SNRNP200: variants seen among roughly 807,000 people sequenced by gnomAD.
SNRNP200 encodes the protein U5 small nuclear ribonucleoprotein 200 kDa helicase.
In SNRNP200, 66 loss-of-function variants were observed where a neutral mutation model predicts 255.2. That is an observed-to-expected ratio of 0.26 (90% CI 0.21 to 0.32). The LOEUF (loss-of-function observed/expected upper bound fraction) is 0.32, where lower values mean the gene tolerates loss of function less well. SNRNP200 is among the 10% of genes least tolerant of loss of function. SNRNP200 has a pLI of 1.00. For missense variants in SNRNP200, 1,585 were observed against 2,749.8 expected (o/e 0.58, Z 9.47); for synonymous variants, 939 against 1,027.8 (o/e 0.91, Z 1.65).
At chr2:96,292,121 C>G (rs1008584330) in intron 16 of SNRNP200, among the ~76,000 whole-genome samples, 1 of 152,202 alleles carries the variant, frequency 6.6e-6, no homozygotes, top group Non-Finnish European at 1.5e-5. Context: ...AGAAATTAAA[C>G]CAACTTCAAC....
Position 96,283,759 on chromosome 2 carries a change from G to A in SNRNP200, c.4585-46C>T, listed in dbSNP as rs757273646. ...AAGACACCAAGGTTATCAGACCTGG[G>A]TCACTCAGGATCTATGTGACACCCC... On this transcript the variant is annotated intron_variant, in intron 32 of 44. Transcript: ENST00000323853. This position sits in a 1 kb window ranked among gnomAD's most constrained non-coding sequence, Gnocchi z 4.7. 1.2e-6 allele frequency: 2 copies of A among 1,614,028 alleles called. No individual in the cohort carries two copies. The highest frequency in any genetic ancestry group is 1.7e-6 in the Non-Finnish European group (2 of 1,179,992).
At chr2:96,294,679 A>C (rs1234805268) in intron 14 of SNRNP200, among the ~76,000 whole-genome samples, 2 of 151,822 alleles carry the variant, frequency 1.3e-5, no homozygotes, top group Non-Finnish European at 2.9e-5. Context: ...AACTATACTC[A>C]GACTTAGTCA....
In SNRNP200 at chr2:96,303,243, G is replaced by A. The variant is rs1360177117; in HGVS notation, c.297C>T (p.Gly99=). ...CTTTAGTTTTGGGCTTGTAGATGAT[G>A]CCCACCATCTCATCAATGCCCTCCG... The part of the protein sequence containing the change: ...LLSEGIDEMV[G]IIYKPKTKET... Residue 99 remains glycine (G), a synonymous_variant, in exon 3 of 45, where the codon GGC becomes GGT. Transcript: ENST00000323853. 6.2e-7 allele frequency: 1 copy of A among 1,614,006 alleles called. No homozygotes were observed. Among genetic ancestry groups the A allele is most frequent in the African/African-American group, 1.3e-5 (1 of 74,906 alleles).
chr2:96,274,700 A>ACTT lies in SNRNP200; in HGVS notation c.*309_*311dup, dbSNP rs1370972930. 5.0e-6 allele frequency: 2 copies of ACTT among 402,608 alleles called. No homozygotes were observed. The highest frequency in any genetic ancestry group is 4.6e-6 in the Non-Finnish European group (1 of 215,088). The allele number at this position is 402,608 out of a possible 1,614,324, so 24.9% of individuals were successfully genotyped here. A position where few individuals can be genotyped will look rare whatever the true frequency, so the allele number is the denominator to read the frequency against. On this transcript the variant is annotated 3_prime_UTR_variant, in exon 45 of 45. Coordinates refer to ENST00000323853, the MANE Select transcript of SNRNP200 (RefSeq NM_014014.5). ...CGTGCCCTCAGGTTGGAGAAAGAAA[A>ACTT]CTTTTAATTTGGAATCACTACAAAG...
rs539567758 is a variant in SNRNP200 at position 96,303,536 on chromosome 2, C to G, written c.210-206G>C. Among the ~76,000 whole-genome samples, 4 of 152,092 alleles carry G rather than the reference C, an allele frequency of 2.6e-5. No homozygotes were observed. The East Asian group carries it at 5.8e-4, about 22-fold the overall frequency. Reference sequence around the variant, plus strand: ...GGACACAGTGACAAAAAGAAAAATTCCCTATCATCTTCTCACTAGATGCAC... The same window carrying G: ...GGACACAGTGACAAAAAGAAAAATTGCCTATCATCTTCTCACTAGATGCAC... On this transcript the variant is annotated intron_variant, in intron 2 of 44. Coordinates refer to ENST00000323853, the MANE Select transcript of SNRNP200 (RefSeq NM_014014.5).
At chr2:96,285,815 C>A (rs983355594) in intron 29 of SNRNP200, among the ~76,000 whole-genome samples, 1 of 152,214 alleles carries the variant, frequency 6.6e-6, no homozygotes, top group Non-Finnish European at 1.5e-5. Flanking sequence ...AACTGGGGAA[C>A]CCTCTATGCC....
chr2:96,288,936 A>C (rs952887786), intron 23 of SNRNP200, 101 bp downstream of exon 23: 5 of 1,160,158 alleles, frequency 4.3e-6, no homozygotes, highest in African/African-American at 3.1e-5. Context: ...AGAACTGAGC[A>C]GGAAACCACA....
At position 96,285,191 on chromosome 2, in the gene SNRNP200, G is replaced by C; in HGVS notation, c.4153C>G (p.Leu1385Val). The stretch of plus-strand genomic sequence containing the variant: ...GCGCCACGTCATACCTGCTCTGCCA[G>C]GGCCTCCATGGGGGTGATGTACACA... ...RCVYITPMEA[L>V]AEQVYMDWYE... Residue 1385 changes from leucine (L) to valine (V), a missense_variant, in exon 30 of 45, where the codon CTG becomes GTG. Leu to Val is a conservative substitution (Grantham distance 32). Transcript: ENST00000323853. 1 of 1,614,096 alleles carries C rather than the reference G, an allele frequency of 6.2e-7. No individual in the cohort carries two copies. Among genetic ancestry groups the C allele is most frequent in the Non-Finnish European group, 8.5e-7 (1 of 1,180,018 alleles).
In SNRNP200 at chr2:96,301,506, CAT is replaced by C. The variant is rs1457044631; in HGVS notation, c.574+16_574+17del. The C allele has an allele frequency of 1.2e-6, 2 of 1,613,584 alleles. No homozygotes were observed. The highest frequency in any genetic ancestry group is 1.7e-6 in the Non-Finnish European group (2 of 1,179,586). Reference sequence around the variant, plus strand: ...CAACAACCAATGAACATGATCAGAACATAAAGCGCGCACTTACCCATATTTTG... The same window carrying C: ...CAACAACCAATGAACATGATCAGAACAAAGCGCGCACTTACCCATATTTTG... On this transcript the variant is annotated intron_variant, in intron 4 of 44. Transcript: ENST00000323853.
chr2:96,285,090 C>T lies in SNRNP200; in HGVS notation c.4164+90G>A, dbSNP rs754519871. On this transcript the variant is annotated intron_variant, in intron 30 of 44. Transcript: ENST00000323853. ...TAATACACAAACTGAGGAAATGACC[C>T]TGCAAATTTCAGGGCTTAGAAAGCC... The T allele has an allele frequency of 7.4e-6, 11 of 1,485,798 alleles. No individual in the cohort carries two copies. In the Admixed American group the frequency reaches 1.9e-4, roughly 25 times the overall value. The allele number at this position is 1,485,798 out of a possible 1,614,324, so 92.0% of individuals were successfully genotyped here. A position where few individuals can be genotyped will look rare whatever the true frequency, so the allele number is the denominator to read the frequency against.
rs758217813 is a variant in SNRNP200 at position 96,291,404 on chromosome 2, A to G, written c.2409T>C (p.Asp803=). The G allele has an allele frequency of 5.6e-6, 9 of 1,601,300 alleles. No individual in the cohort carries two copies. In the African/African-American group the frequency reaches 1.1e-4, roughly 19 times the overall value. The change falls in exon 18 of 45, where the codon GAT becomes GAC. Residue 803 remains aspartate, a synonymous_variant. Coordinates refer to ENST00000323853, the MANE Select transcript of SNRNP200 (RefSeq NM_014014.5). The surrounding 1 kb of genome is among the most constrained non-coding windows in gnomAD (Gnocchi z 4.2). ...DRTLVEDLFA[D]KHIQVLVSTA... ...TGCACCCCCTCACCTGAATATGTTT[A>G]TCAGCAAAAAGATCCTCCACGAGTG... is the stretch of plus-strand genomic sequence containing the variant.
rs1470626652 is a variant in SNRNP200, at chr2:96,290,007, C to G, written c.2743-11G>C. ...CCAGTTCACCGCATCCTACAAGACACAGCTCATGGTTCTTAGCATGGAGAA... is the reference window on the plus strand; with the variant it reads ...CCAGTTCACCGCATCCTACAAGACAGAGCTCATGGTTCTTAGCATGGAGAA... On this transcript the variant is annotated splice_polypyrimidine_tract_variant and intron_variant, in intron 20 of 44. Transcript: ENST00000323853. The surrounding 1 kb of genome is among the most constrained non-coding windows in gnomAD (Gnocchi z 4.5). The G allele has an allele frequency of 6.2e-7, 1 of 1,613,738 alleles. No homozygotes were observed. The highest frequency in any genetic ancestry group is 2.2e-5 in the East Asian group (1 of 44,902).
intron 5 of SNRNP200, among the ~76,000 whole-genome samples, chr2:96,299,850 C>A (rs927931389): frequency 1.9e-4 from 29 of 152,352 alleles, no homozygotes; most frequent in African/African-American, 6.7e-4. Flanking sequence ...GCGTACCTGG[C>A]ATAGTGTCAC....
chr2:96,297,792 T>A, intron 9 of SNRNP200, 72 bp from the exon 10 acceptor site: 2 of 1,534,008 alleles, frequency 1.3e-6, no homozygotes, highest in East Asian at 2.3e-5. Flanking sequence ...TTTCTGCCCC[T>A]GCTTAGCTAA....
chr2:96,283,514 C>G lies in SNRNP200; in HGVS notation c.4763+21G>C. The G allele has an allele frequency of 6.2e-7, 1 of 1,614,112 alleles. No individual in the cohort carries two copies. Among genetic ancestry groups the G allele is most frequent in the Non-Finnish European group, 8.5e-7 (1 of 1,180,022 alleles). On this transcript the variant is annotated intron_variant, in intron 33 of 44. Transcript: ENST00000323853. This position sits in a 1 kb window ranked among gnomAD's most constrained non-coding sequence, Gnocchi z 4.7. ...CCTCACTTAACCTAACCCCAACCCC[C>G]AGACGCCAGGCCCCACCTACCTCTG...
chr2:96,279,224 A>G (rs554134097), intron 36 of SNRNP200: 2 of 643,138 alleles, frequency 3.1e-6, no homozygotes, highest in Admixed American at 4.9e-5. Context: ...GAGGAAGGAG[A>G]GAACCAAGTA....
intron 22 of SNRNP200, 40 bp downstream of exon 22, chr2:96,289,187 G>T: frequency 1.9e-6 from 3 of 1,614,072 alleles, no homozygotes; most frequent in Non-Finnish European, 2.5e-6. Flanking sequence ...GTGACTTGGT[G>T]AGCACCAACT....
At chr2:96,296,783 AG>A (rs2063919712) in intron 12 of SNRNP200, 92 bp from the exon 13 acceptor site, 1 of 1,563,374 alleles carries the variant, frequency 6.4e-7, no homozygotes, top group African/African-American at 1.4e-5. Context: ...TAGAGAATAG[AG>A]CTTGTCCTGG....
chr2:96,277,518 C>G lies in SNRNP200; in HGVS notation c.5931+21G>C. On this transcript the variant is annotated intron_variant, in intron 41 of 44. Transcript: ENST00000323853. The surrounding 1 kb of genome is among the most constrained non-coding windows in gnomAD (Gnocchi z 4.4). ...GGCTCTCAGGCTCACCCACCTGACC[C>G]TCTAGGCTGACCCGGCTCACCTTGT... 6.2e-7 allele frequency: 1 copy of G among 1,612,180 alleles called. No homozygotes were observed. Among genetic ancestry groups the G allele is most frequent in the Non-Finnish European group, 8.5e-7 (1 of 1,180,006 alleles).
Sources: gnomAD v4.1 joint callset for allele counts (sites outside exome capture counted in the v4.1 genomes callset) on GRCh38, gnomAD v4.1.1 for gene constraint, Gnocchi (gnomAD v3.1) non-coding constraint, MANE v1.5 for transcripts, NCBI Gene and HGNC (gene_info 2026-07-23, HGNC 2026-07-21) for gene names.